SORCS1: variants seen among roughly 807,000 people sequenced by gnomAD.
SORCS1 encodes VPS10 domain-containing receptor SorCS1.
A neutral mutation model predicts 146.1 loss-of-function variants in SORCS1; 60 were observed. The observed-to-expected ratio is 0.41, with a 90% CI of 0.33 to 0.51. The LOEUF is 0.51. SORCS1 is among the 20% of genes least tolerant of loss of function. The pLI, the probability that SORCS1 is intolerant of heterozygous loss-of-function variation, is 0.21. For synonymous variants in SORCS1, 637 were observed against 584.0 expected (o/e 1.09, Z -1.31); for missense variants, 1,352 against 1,487.6 (o/e 0.91, Z 1.50).
intron 9 of SORCS1, among the ~76,000 whole-genome samples, chr10:106,697,214 C>T (rs1473848379): frequency 6.6e-6 from 1 of 152,140 alleles, no homozygotes; most frequent in East Asian, 1.9e-4. Context: ...GCCATAATCC[C>T]AGCACTTTGG....
intron 1 of SORCS1, among the ~76,000 whole-genome samples, chr10:107,131,751 T>C (rs1565085013): frequency 6.6e-6 from 1 of 152,190 alleles, no homozygotes; most frequent in Non-Finnish European, 1.5e-5. Context: ...TACTTGAGAA[T>C]AATGCTAGGC....
chr10:106,888,336 C>T (rs184501048), intron 2 of SORCS1, among the ~76,000 whole-genome samples: 38 of 152,228 alleles, frequency 2.5e-4, no homozygotes, highest in African/African-American at 8.7e-4. Flanking sequence ...GGTGCTGGTG[C>T]CTGTACATTA....
chr10:106,623,111 C>T (rs1402608215), intron 19 of SORCS1, among the ~76,000 whole-genome samples: 1 of 152,166 alleles, frequency 6.6e-6, no homozygotes, highest in East Asian at 1.9e-4. Context: ...CCAGCATCCC[C>T]TCCTCTGTGA....
chr10:106,932,483 A>G (rs1953470065), intron 2 of SORCS1, among the ~76,000 whole-genome samples: 1 of 152,136 alleles, frequency 6.6e-6, no homozygotes, highest in Non-Finnish European at 1.5e-5. Flanking sequence ...GCTGCCTTAG[A>G]GTGATAGTGA....
chr10:107,083,670 C>T (rs1450372587), intron 1 of SORCS1, among the ~76,000 whole-genome samples: 1 of 152,178 alleles, frequency 6.6e-6, no homozygotes, highest in Non-Finnish European at 1.5e-5. Flanking sequence ...TAACCTACTC[C>T]TAGCCTTACA....
intron 8 of SORCS1, 63 bp from the exon 9 acceptor site, chr10:106,699,456 T>A (rs1853966254): frequency 6.9e-7 from 1 of 1,450,212 alleles, no homozygotes; most frequent in Admixed American, 2.3e-5. Flanking sequence ...CTGGCAGGCA[T>A]CCAAAGAGTG....
intron 2 of SORCS1, among the ~76,000 whole-genome samples, chr10:106,893,641 T>A (rs1460615633): frequency 6.6e-6 from 1 of 152,202 alleles, no homozygotes; most frequent in Non-Finnish European, 1.5e-5. Flanking sequence ...CAAAAATTAT[T>A]AGAAGGTTAC....
At chr10:106,708,245 GGT>G (rs58427067) in intron 7 of SORCS1, among the ~76,000 whole-genome samples, 24,539 of 148,148 alleles carry the variant, frequency 0.17, 3,290 homozygotes, top group African/African-American at 0.37. Flanking sequence ...ATAAAGAAAT[GGT>G]GTGTGTGTGT....
intron 1 of SORCS1, among the ~76,000 whole-genome samples, chr10:107,077,097 A>G (rs1282330032): frequency 6.6e-6 from 1 of 151,800 alleles, no homozygotes; most frequent in Non-Finnish European, 1.5e-5. Context: ...CTTCCTTCAT[A>G]CTTTCAGACT....
chr10:106,984,891 A>AT lies in SORCS1; in HGVS notation c.559-28312_559-28311insA. Among the ~76,000 whole-genome samples the AT allele has an allele frequency of 2.0e-5, 3 of 152,140 alleles. 1 individual carries two copies. The highest frequency in any genetic ancestry group is 2.0e-4 in the Admixed American group (3 of 15,280). On this transcript the variant is annotated intron_variant, in intron 1 of 25. Transcript: ENST00000263054. ...CCACCTTCTCATTAAGTTGTTGAAA[A>AT]ATATAGGGCAAGCAGGCCGGGTGCC...
chr10:107,091,126 C>A (rs1357415756), intron 1 of SORCS1, among the ~76,000 whole-genome samples: 2 of 152,224 alleles, frequency 1.3e-5, no homozygotes, highest in African/African-American at 4.8e-5. Context: ...GTAGTTCATG[C>A]AGCATCCTTT....
At chr10:106,858,357 C>G (rs910873170) in intron 2 of SORCS1, among the ~76,000 whole-genome samples, 4 of 152,086 alleles carry the variant, frequency 2.6e-5, no homozygotes, top group African/African-American at 9.6e-5. Flanking sequence ...CAGTGGCTCA[C>G]GTCTGTAATC....
the SORCS1 span, among the ~76,000 whole-genome samples, chr10:107,176,924 C>T: frequency 6.6e-6 from 1 of 151,918 alleles, no homozygotes; most frequent in Non-Finnish European, 1.5e-5. Flanking sequence ...ATTTTTTTGG[C>T]TTAATTTGTA....
At chr10:106,950,321 T>A (rs1954610353) in intron 2 of SORCS1, among the ~76,000 whole-genome samples, 3 of 152,244 alleles carry the variant, frequency 2.0e-5, no homozygotes, top group Admixed American at 2.0e-4. Context: ...CAGCAAGGCT[T>A]ACAGCCCTAG....
chr10:107,132,670 C>A (rs193075373), intron 1 of SORCS1, among the ~76,000 whole-genome samples: 2 of 152,208 alleles, frequency 1.3e-5, no homozygotes, highest in East Asian at 3.9e-4. Flanking sequence ...ATGTGAAAAT[C>A]AACACACTAT....
At chr10:106,771,714 C>A (rs1379616607) in intron 4 of SORCS1, among the ~76,000 whole-genome samples, 1 of 152,162 alleles carries the variant, frequency 6.6e-6, no homozygotes, top group Non-Finnish European at 1.5e-5. Flanking sequence ...CACCAAGTAG[C>A]CCCCTGTCCA....
intron 3 of SORCS1, among the ~76,000 whole-genome samples, chr10:106,784,246 T>A (rs1319637409): frequency 6.6e-6 from 1 of 151,940 alleles, no homozygotes; most frequent in Non-Finnish European, 1.5e-5. Flanking sequence ...ATACAAAAAG[T>A]TAGCTGGGCG....
chr10:107,153,529 T>C (rs905043887), intron 1 of SORCS1, among the ~76,000 whole-genome samples: 1 of 152,212 alleles, frequency 6.6e-6, no homozygotes, highest in Non-Finnish European at 1.5e-5. Flanking sequence ...TCATTCTCTC[T>C]GGAATCAACA....
At chr10:106,994,275 G>A (rs927967633) in intron 1 of SORCS1, among the ~76,000 whole-genome samples, 2 of 152,062 alleles carry the variant, frequency 1.3e-5, no homozygotes, top group Non-Finnish European at 2.9e-5. Flanking sequence ...TATGTAAAAT[G>A]ACTACAGCAC....
Sources: allele counts gnomAD v4.1 joint callset (sites outside exome capture counted in the v4.1 genomes callset), GRCh38; gene constraint gnomAD v4.1.1; transcripts MANE v1.5; gene names NCBI Gene and HGNC (gene_info 2026-07-23, HGNC 2026-07-21).